The following PGCKA1 variants were observed in gnomAD, a reference collection of about 807,000 sequenced individuals.
PGCKA1 encodes the protein PDCD10 and GCKIII kinases associated 1, also known as PDCD10 and GCKIII kinases-associated protein 1.
chr4:37,584,644 A>G, the PGCKA1 span, among the ~76,000 whole-genome samples: 1 of 152,084 alleles, frequency 6.6e-6, no homozygotes, highest in Non-Finnish European at 1.5e-5. Context: ...AAATCTCAGC[A>G]CTCACTTCAT....
At chr4:37,505,943 A>G in the PGCKA1 span, among the ~76,000 whole-genome samples, 1 of 152,234 alleles carries the variant, frequency 6.6e-6, no homozygotes, top group Non-Finnish European at 1.5e-5. Context: ...GATACTTTTT[A>G]TTACAACTTT....
At chr4:37,569,209 T>C in the PGCKA1 span, among the ~76,000 whole-genome samples, 1 of 152,034 alleles carries the variant, frequency 6.6e-6, no homozygotes, top group South Asian at 2.1e-4. Context: ...TATTTTATTT[T>C]ATTTTGAGAT....
At chr4:37,569,584 A>C in the PGCKA1 span, among the ~76,000 whole-genome samples, 1 of 152,224 alleles carries the variant, frequency 6.6e-6, no homozygotes, top group African/African-American at 2.4e-5. Context: ...TAGTTTGAGG[A>C]GTAAAACTCC....
the PGCKA1 span, among the ~76,000 whole-genome samples, chr4:37,501,611 A>G: frequency 6.6e-6 from 1 of 152,174 alleles, no homozygotes; most frequent in Non-Finnish European, 1.5e-5. Context: ...TTTCCTTTAC[A>G]TATTTAGTAT....
chr4:37,533,537 C>T, the PGCKA1 span, among the ~76,000 whole-genome samples: 1 of 152,134 alleles, frequency 6.6e-6, no homozygotes, highest in Admixed American at 6.5e-5. Context: ...TGTTGAGTTT[C>T]GCTTATAAAT....
At chr4:37,481,428 G>GCA in the PGCKA1 span, among the ~76,000 whole-genome samples, 1 of 98,632 alleles carries the variant, frequency 1.0e-5, no homozygotes, top group Admixed American at 1.2e-4. Flanking sequence ...TCGCACCACT[G>GCA]CACTCCAGCC....
At chr4:37,527,167 A>G in the PGCKA1 span, among the ~76,000 whole-genome samples, 1 of 152,188 alleles carries the variant, frequency 6.6e-6, no homozygotes, top group Non-Finnish European at 1.5e-5. Context: ...CATTTTATAC[A>G]GCCACACAAT....
At chr4:37,474,286 G>A in the PGCKA1 span, among the ~76,000 whole-genome samples, 1 of 151,998 alleles carries the variant, frequency 6.6e-6, no homozygotes, top group African/African-American at 2.4e-5. Context: ...TTCTGCCATG[G>A]GATGTTGCAG....
At chr4:37,503,885 T>C in the PGCKA1 span, among the ~76,000 whole-genome samples, 1 of 152,228 alleles carries the variant, frequency 6.6e-6, no homozygotes, top group East Asian at 1.9e-4. Flanking sequence ...TTTGCAAATA[T>C]GTTATTCTAT....
chr4:37,525,664 C>T, the PGCKA1 span, among the ~76,000 whole-genome samples: 1 of 152,146 alleles, frequency 6.6e-6, no homozygotes, highest in Non-Finnish European at 1.5e-5. Context: ...CCCTTAAATT[C>T]AGCATCAGGC....
At chr4:37,570,153 T>TA in the PGCKA1 span, among the ~76,000 whole-genome samples, 3 of 135,286 alleles carry the variant, frequency 2.2e-5, no homozygotes, top group African/African-American at 5.6e-5. Context: ...CTAATTTTTT[T>TA]TTTTTTTTTT....
the PGCKA1 span, among the ~76,000 whole-genome samples, chr4:37,537,857 A>G: frequency 6.6e-6 from 1 of 152,212 alleles, no homozygotes; most frequent in Non-Finnish European, 1.5e-5. Flanking sequence ...TGCTAAACCA[A>G]TTTCCATTAT....
the PGCKA1 span, among the ~76,000 whole-genome samples, chr4:37,526,015 TAAAC>T: frequency 1.6e-3 from 244 of 152,306 alleles, 1 homozygote; most frequent in Middle Eastern, 0.014. Context: ...AAGGGTTTAA[TAAAC>T]AAAAATCTAC....
the PGCKA1 span, chr4:37,588,865 C>G: frequency 6.2e-7 from 1 of 1,612,620 alleles, no homozygotes; most frequent in Non-Finnish European, 8.5e-7. Context: ...GAAAACAATC[C>G]AGATGGGGTG....
the PGCKA1 span, among the ~76,000 whole-genome samples, chr4:37,454,310 C>G: frequency 7.2e-5 from 11 of 152,094 alleles, no homozygotes; most frequent in Admixed American, 7.2e-4. Context: ...AACCAAAGAC[C>G]AAGGCGTTTG....
chr4:37,523,235 G>A, the PGCKA1 span, among the ~76,000 whole-genome samples: 1 of 152,242 alleles, frequency 6.6e-6, no homozygotes, highest in South Asian at 2.1e-4. Context: ...AGCTGAGTTT[G>A]GTCCTGTTTT....
At chr4:37,541,787 T>C in the PGCKA1 span, among the ~76,000 whole-genome samples, 8 of 152,138 alleles carry the variant, frequency 5.3e-5, no homozygotes, top group Non-Finnish European at 8.8e-5. Context: ...TGAACTCCTA[T>C]TAACCTCAAT....
At chr4:37,533,926 A>C in the PGCKA1 span, among the ~76,000 whole-genome samples, 2 of 152,330 alleles carry the variant, frequency 1.3e-5, no homozygotes, top group Non-Finnish European at 2.9e-5. Context: ...GGGATTCAAA[A>C]TATGCCAGGT....
the PGCKA1 span, among the ~76,000 whole-genome samples, chr4:37,475,588 C>T: frequency 6.6e-6 from 1 of 152,076 alleles, no homozygotes; most frequent in Admixed American, 6.5e-5. Flanking sequence ...TCTAGTTTCT[C>T]TTCAGGAAAT....
Sources: gnomAD v4.1 joint callset for allele counts (sites outside exome capture counted in the v4.1 genomes callset) on GRCh38, gnomAD v4.1.1 for gene constraint, MANE v1.5 for transcripts, NCBI Gene and HGNC (gene_info 2026-07-23, HGNC 2026-07-21) for gene names.